Variants in PLS1 observed in about 807,000 individuals in gnomAD.
The protein encoded by PLS1 is plastin-1.
PLS1 carries 32 observed loss-of-function variants against 73.7 expected under a neutral mutation model. The ratio of observed to expected loss-of-function variants is 0.43; its 90% CI spans 0.33 to 0.58. The LOEUF (loss-of-function observed/expected upper bound fraction) is 0.58. Among genes scored for constraint, PLS1 ranks in the 20% least tolerant of loss-of-function variants. PLS1 has a pLI of 0.04. For synonymous variants in PLS1, 217 were observed against 261.3 expected (o/e 0.83, Z 1.63); for missense variants, 633 against 740.5 (o/e 0.85, Z 1.68).
At chr3:142,666,921 A>G (rs1360200280) in intron 2 of PLS1, among the ~76,000 whole-genome samples, 1 of 152,144 alleles carries the variant, frequency 6.6e-6, no homozygotes, top group Non-Finnish European at 1.5e-5. Context: ...TTATTGGCCA[A>G]TTGTATATCT....
chr3:142,625,671 G>C (rs1005207854), intron 1 of PLS1, among the ~76,000 whole-genome samples: 1 of 152,046 alleles, frequency 6.6e-6, no homozygotes, highest in Non-Finnish European at 1.5e-5. Context: ...ATATATACTA[G>C]GGTATATATG....
At chr3:142,708,392 G>A (rs1049676161) in intron 14 of PLS1, among the ~76,000 whole-genome samples, 8 of 152,046 alleles carry the variant, frequency 5.3e-5, no homozygotes, top group African/African-American at 1.9e-4. Flanking sequence ...GACTACAGGC[G>A]CCCGCCATCA....
chr3:142,695,757 CTTACTTATTTATTTAT>C (rs1400824111), intron 11 of PLS1, among the ~76,000 whole-genome samples: 3,339 of 135,090 alleles, frequency 0.025, 57 homozygotes, highest in Admixed American at 0.035. Context: ...AGTAAGGAGA[CTTACTTATTTATTTAT>C]TTATTTATTT....
intron 4 of PLS1, among the ~76,000 whole-genome samples, chr3:142,673,126 C>T (rs1458646522): frequency 6.6e-6 from 1 of 152,170 alleles, no homozygotes; most frequent in Non-Finnish European, 1.5e-5. Context: ...ACTGCAGCCT[C>T]GACCTCCAGA....
chr3:142,618,839 A>C (rs1027166626), intron 1 of PLS1, among the ~76,000 whole-genome samples: 4 of 152,126 alleles, frequency 2.6e-5, no homozygotes, highest in African/African-American at 9.7e-5. Context: ...ACCTAAGACA[A>C]TCTGCCTCAT....
At chr3:142,667,824 G>C (rs1279280881) in intron 2 of PLS1, among the ~76,000 whole-genome samples, 1 of 152,222 alleles carries the variant, frequency 6.6e-6, no homozygotes, top group Non-Finnish European at 1.5e-5. Flanking sequence ...ATGGGAAACA[G>C]TTCTGAACTG....
At chr3:142,634,211 A>G (rs2036628071) in intron 1 of PLS1, among the ~76,000 whole-genome samples, 2 of 152,224 alleles carry the variant, frequency 1.3e-5, no homozygotes, top group Admixed American at 6.5e-5. Context: ...ATATTTGTGT[A>G]CTTATGTTCC....
intron 10 of PLS1, among the ~76,000 whole-genome samples, chr3:142,690,805 C>T (rs1461734319): frequency 6.6e-6 from 1 of 152,142 alleles, no homozygotes; most frequent in Non-Finnish European, 1.5e-5. Context: ...TCATTTGTTT[C>T]CCAGCCTTTC....
chr3:142,622,399 T>C (rs926781834), intron 1 of PLS1, among the ~76,000 whole-genome samples: 1 of 152,216 alleles, frequency 6.6e-6, no homozygotes, highest in African/African-American at 2.4e-5. Flanking sequence ...TCATGTATTT[T>C]GCTTTCCATC....
intron 4 of PLS1, among the ~76,000 whole-genome samples, chr3:142,671,887 C>T (rs1368847839): frequency 6.6e-6 from 1 of 152,036 alleles, no homozygotes; most frequent in Non-Finnish European, 1.5e-5. Context: ...ATTGGATTTT[C>T]CTCTAGCGAT....
intron 1 of PLS1, among the ~76,000 whole-genome samples, chr3:142,628,340 TGCGCGCACA>T (rs1560037233): frequency 3.4e-5 from 1 of 29,104 alleles, no homozygotes; most frequent in African/African-American, 8.2e-4. Flanking sequence ...TGTGTGTGTG[TGCGCGCACA>T]TGTGCATGCA....
chr3:142,657,286 A>T (rs4683691), intron 1 of PLS1: 94,560 of 151,978 alleles, frequency 0.62, 30,239 homozygotes, highest in African/African-American at 0.75. Flanking sequence ...TTTCCCTCTC[A>T]CTGCCTTCCT....
rs770645135 is a variant in PLS1, at chr3:142,703,951, T to C, written c.1455T>C (p.Asn485=). 6.2e-7 allele frequency: 1 copy of C among 1,613,866 alleles called. No homozygotes were observed. Among genetic ancestry groups the C allele is most frequent in the Admixed American group, 1.7e-5 (1 of 60,008 alleles). Residue 485 remains asparagine (N), a synonymous_variant, in exon 13 of 16, where the codon AAT becomes AAC. Transcript: ENST00000457734. ...SLVGIAGQDL[N]EGNSTLTLAL... ...TTGGCATTGCTGGGCAGGACCTAAA[T>C]GAAGGGAATTCAACACTTACCCTGG...
At chr3:142,644,166 T>C (rs531583941) in intron 1 of PLS1, among the ~76,000 whole-genome samples, 1 of 152,292 alleles carries the variant, frequency 6.6e-6, no homozygotes, top group Non-Finnish European at 1.5e-5. Flanking sequence ...CCATGGCATA[T>C]AAACATTAAT....
rs1249406357 is a variant in PLS1, at chr3:142,689,431, T to TAAATAAATAAA, written c.982-186_982-176dup. On this transcript the variant is annotated intron_variant, in intron 9 of 15. Transcript: ENST00000457734. Reference sequence around the variant, plus strand: ...GAGCAAGACTCTGTCTCTAAATACATAAATAAATAAATAAATAAATAAATA... The same window carrying TAAATAAATAAA: ...GAGCAAGACTCTGTCTCTAAATACATAAATAAATAAAAAATAAATAAATAAATAAATAAATA... Among the ~76,000 whole-genome samples, 48 of 151,040 alleles carry TAAATAAATAAA rather than the reference T, an allele frequency of 3.2e-4. No homozygotes were observed. In the South Asian group the frequency reaches 4.2e-3, roughly 13 times the overall value.
At position 142,689,795 on chromosome 3, in the gene PLS1, G is replaced by A. The variant is rs770449444; in HGVS notation, c.1159G>A (p.Asp387Asn). Residue 387 changes from aspartate to asparagine, a missense_variant, in exon 10 of 16, where the codon GAT becomes AAT. Asp to Asn is a conservative substitution (Grantham distance 23). Coordinates refer to ENST00000457734, the MANE Select transcript of PLS1 (RefSeq NM_001145319.2). ...GCACAAGCCGAATAATAATGACATC[G>A]ATATGAATTTACTGGAAGGTGCGTT... Reference protein sequence around the residue: ...CLHKPNNNDIDMNLLEGESKE... With the variant: ...CLHKPNNNDINMNLLEGESKE... 2.1e-5 allele frequency: 33 copies of A among 1,586,234 alleles called. No individual in the cohort carries two copies. The highest frequency in any genetic ancestry group is 1.4e-4 in the East Asian group (6 of 43,664).
rs77961515 is a variant in PLS1, at chr3:142,664,153, A to T, written c.-36-49A>T. On this transcript the variant is annotated intron_variant, in intron 1 of 15. Coordinates refer to ENST00000457734, the MANE Select transcript of PLS1 (RefSeq NM_001145319.2). ...CCTCTGTACCTTATATTGCTTAGTTAAATGTTTCCAAAGGCTTCATGCTTT... is the reference window on the plus strand; with the variant it reads ...CCTCTGTACCTTATATTGCTTAGTTTAATGTTTCCAAAGGCTTCATGCTTT... 9,790 of 737,436 alleles carry T rather than the reference A, an allele frequency of 0.013. 695 individuals are homozygous for T. The African/African-American group carries it at 0.15, about 12-fold the overall frequency. The allele number at this position is 737,436 out of a possible 1,614,324, so 45.7% of individuals were successfully genotyped here.
At chr3:142,599,849 G>C (rs560586336) in intron 1 of PLS1, among the ~76,000 whole-genome samples, 1 of 151,922 alleles carries the variant, frequency 6.6e-6, no homozygotes, top group East Asian at 1.9e-4. Flanking sequence ...TGACCTCCCC[G>C]GGCTCAAGTG....
chr3:142,635,863 TTG>T (rs773599336), intron 1 of PLS1, among the ~76,000 whole-genome samples: 1 of 152,062 alleles, frequency 6.6e-6, no homozygotes, highest in Non-Finnish European at 1.5e-5. Flanking sequence ...TTTTGTTTGT[TTG>T]TGTGTGTGCG....
Sources: gnomAD v4.1 joint callset for allele counts (sites outside exome capture counted in the v4.1 genomes callset) on GRCh38, gnomAD v4.1.1 for gene constraint, MANE v1.5 for transcripts, NCBI Gene and HGNC (gene_info 2026-07-23, HGNC 2026-07-21) for gene names.